The following PCDH9 variants were observed in gnomAD, a reference collection of about 807,000 sequenced individuals.
PCDH9 encodes the protein protocadherin-9.
In PCDH9, 24 loss-of-function variants were observed where a neutral mutation model predicts 70.6. That is an observed-to-expected ratio of 0.34 (90% confidence interval 0.25 to 0.48). The LOEUF (loss-of-function observed/expected upper bound fraction) is 0.48. PCDH9 is among the 20% of genes least tolerant of loss of function. The pLI is 0.99. For synonymous variants in PCDH9, 562 were observed against 558.5 expected (o/e 1.01, Z -0.09); for missense variants, 1,281 against 1,503.6 (o/e 0.85, Z 2.45).
At chr13:66,414,191 A>G (rs899568474) in intron 4 of PCDH9, among the ~76,000 whole-genome samples, 2 of 152,338 alleles carry the variant, frequency 1.3e-5, no homozygotes, top group Non-Finnish European at 2.9e-5. Context: ...GCAATTTGGA[A>G]CAGATTTGAT....
intron 4 of PCDH9, among the ~76,000 whole-genome samples, chr13:66,430,684 T>G (rs1385708044): frequency 1.3e-5 from 2 of 151,998 alleles, no homozygotes; most frequent in African/African-American, 4.8e-5. Flanking sequence ...GTAAACAATT[T>G]TTATCCATTT....
rs530461703 is a variant in PCDH9, at chr13:66,448,775, G to T, written c.3341-143747C>A. 3.3e-5 allele frequency among the ~76,000 whole-genome samples: 5 copies of T among 152,116 alleles called. No homozygotes were observed. In the East Asian group the frequency reaches 9.6e-4, roughly 29 times the overall value. On this transcript the variant is annotated intron_variant, in intron 4 of 4. Coordinates refer to ENST00000377865, the MANE Select transcript of PCDH9 (RefSeq NM_203487.3). Reference sequence around the variant, plus strand: ...AAGAAATAACTAAAACATTTGCTGCGTACTATTTTTGAATTTCAAATAAGT... The same window carrying T: ...AAGAAATAACTAAAACATTTGCTGCTTACTATTTTTGAATTTCAAATAAGT...
chr13:66,335,682 A>G (rs1956025505), intron 4 of PCDH9, among the ~76,000 whole-genome samples: 1 of 152,138 alleles, frequency 6.6e-6, no homozygotes, highest in South Asian at 2.1e-4. Context: ...TTCAAAACTT[A>G]TAGCCACAGT....
In PCDH9 at chr13:66,735,836, C is replaced by T. The variant is rs757830090; in HGVS notation, c.3139-104425G>A. 1.1e-4 allele frequency among the ~76,000 whole-genome samples: 17 copies of T among 151,858 alleles called. 1 individual carries two copies. The highest frequency in any genetic ancestry group is 6.6e-4 in the Admixed American group (10 of 15,232). ...AAAATTAGCTGGGTGTGGTGGTGCA[C>T]GCCTGTAATCCCATCTACTCAGGAG... On this transcript the variant is annotated intron_variant, in intron 3 of 4. Coordinates refer to ENST00000377865, the MANE Select transcript of PCDH9 (RefSeq NM_203487.3).
chr13:66,698,519 A>C (rs1359012930), intron 3 of PCDH9, among the ~76,000 whole-genome samples: 1 of 152,204 alleles, frequency 6.6e-6, no homozygotes, highest in Non-Finnish European at 1.5e-5. Flanking sequence ...TATTTTAACT[A>C]ATTAGTGCTA....
intron 2 of PCDH9, among the ~76,000 whole-genome samples, chr13:67,127,365 A>G (rs1456074440): frequency 6.6e-6 from 1 of 152,098 alleles, no homozygotes; most frequent in Non-Finnish European, 1.5e-5. Context: ...CTCTAATTAC[A>G]TTGCAGGGAT....
chr13:66,306,260 A>G (rs895908713), intron 4 of PCDH9: 1 of 152,002 alleles, frequency 6.6e-6, no homozygotes, highest in Non-Finnish European at 1.5e-5. Flanking sequence ...CACAACTAAT[A>G]TTTTTAAACG....
Position 66,304,428 on chromosome 13 carries a change from GA to G in PCDH9, c.*226del, listed in dbSNP as rs1955426091. 1 of 461,154 alleles carries G rather than the reference GA, an allele frequency of 2.2e-6. No individual in the cohort carries two copies. Among genetic ancestry groups the G allele is most frequent in the African/African-American group, 1.9e-5 (1 of 51,944 alleles). The allele number at this position is 461,154 out of a possible 1,614,324, so 28.6% of individuals were successfully genotyped here. On this transcript the variant is annotated 3_prime_UTR_variant, in exon 5 of 5. Transcript: ENST00000377865. ...TAATAAAAAAAATTTGCACAATGGA[GA>G]GATCTCTGGAGAGTGTAATCAATTC...
At chr13:66,983,655 C>G (rs1158648921) in intron 2 of PCDH9, among the ~76,000 whole-genome samples, 2 of 152,062 alleles carry the variant, frequency 1.3e-5, no homozygotes, top group African/African-American at 4.8e-5. Context: ...AATCATAAAA[C>G]TTTACTTCAT....
At chr13:67,173,819 A>G (rs1177058135) in intron 2 of PCDH9, among the ~76,000 whole-genome samples, 1 of 152,188 alleles carries the variant, frequency 6.6e-6, no homozygotes, top group Non-Finnish European at 1.5e-5. Context: ...TTATCAAACC[A>G]TAAACCTCCC....
At chr13:66,978,403 C>T (rs80085588) in intron 2 of PCDH9, 1 of 151,766 alleles carries the variant, frequency 6.6e-6, no homozygotes. Flanking sequence ...AAAGCAATTG[C>T]AATTTCTGCA....
chr13:66,503,712 C>T (rs1394842880), intron 4 of PCDH9, among the ~76,000 whole-genome samples: 1 of 152,184 alleles, frequency 6.6e-6, no homozygotes, highest in African/African-American at 2.4e-5. Context: ...AAGCGCTTTG[C>T]ATAGTATGCT....
chr13:66,361,301 T>C (rs779677362), intron 4 of PCDH9, among the ~76,000 whole-genome samples: 2 of 152,180 alleles, frequency 1.3e-5, no homozygotes, highest in Non-Finnish European at 2.9e-5. Flanking sequence ...TCTAATTAAA[T>C]GAGTTAAAAT....
chr13:66,519,209 A>AG (rs146133037), intron 4 of PCDH9, among the ~76,000 whole-genome samples: 1,639 of 152,222 alleles, frequency 0.011, 36 homozygotes, highest in East Asian at 0.091. Flanking sequence ...CATTCCTCTA[A>AG]GGTTCTGTAA....
intron 4 of PCDH9, among the ~76,000 whole-genome samples, chr13:66,565,268 C>T (rs1432899332): frequency 6.6e-6 from 1 of 152,154 alleles, no homozygotes; most frequent in African/African-American, 2.4e-5. Flanking sequence ...ATGCTGAGAA[C>T]ATAACAACAT....
chr13:66,312,186 A>G (rs1955573501), intron 4 of PCDH9, among the ~76,000 whole-genome samples: 1 of 152,196 alleles, frequency 6.6e-6, no homozygotes, highest in South Asian at 2.1e-4. Flanking sequence ...AATTGAGAGG[A>G]TAAAAAGGCT....
chr13:66,808,428 T>C (rs1045107224), intron 3 of PCDH9, among the ~76,000 whole-genome samples: 2 of 152,172 alleles, frequency 1.3e-5, no homozygotes, highest in Non-Finnish European at 2.9e-5. Flanking sequence ...TATATATTTT[T>C]TACATTTACG....
chr13:67,140,193 G>A (rs2087346798), intron 2 of PCDH9, among the ~76,000 whole-genome samples: 1 of 151,946 alleles, frequency 6.6e-6, no homozygotes, highest in African/African-American at 2.4e-5. Flanking sequence ...TACCTCCTGG[G>A]GTCCAGCATT....
At chr13:66,404,501 A>C (rs1293683170) in intron 4 of PCDH9, among the ~76,000 whole-genome samples, 1 of 152,160 alleles carries the variant, frequency 6.6e-6, no homozygotes, top group Non-Finnish European at 1.5e-5. Context: ...TTGTAAGGAA[A>C]TTGGATTCAC....
Sources: gnomAD v4.1 joint callset for allele counts (sites outside exome capture counted in the v4.1 genomes callset) on GRCh38, gnomAD v4.1.1 for gene constraint, MANE v1.5 for transcripts, NCBI Gene and HGNC (gene_info 2026-07-23, HGNC 2026-07-21) for gene names.